The following SGSM1 variants were observed in gnomAD, a reference collection of about 807,000 sequenced individuals.
SGSM1 encodes the protein RUN and TBC1 domain containing 2.
Under a neutral mutation model 133.8 loss-of-function variants are expected in SGSM1, and 73 were observed. The observed-to-expected ratio is 0.55, with a 90% confidence interval of 0.45 to 0.66. SGSM1 has a LOEUF of 0.66. Among genes scored for constraint, SGSM1 ranks in the 30% least tolerant of loss-of-function variants. SGSM1 has a pLI of 0.00. For missense variants in SGSM1, 1,213 were observed against 1,448.1 expected (o/e 0.84, Z 2.64); for synonymous variants, 563 against 573.0 (o/e 0.98, Z 0.25).
rs530914816 is a variant in SGSM1 at position 24,861,728 on chromosome 22, G to A, written c.926+1888G>A. On this transcript the variant is annotated intron_variant, in intron 9 of 24. Coordinates refer to ENST00000400358, the MANE Select transcript of SGSM1 (RefSeq NM_001098497.3). ...ACACCCAGCTAATTTTTGTATTTTC[G>A]TTAGATACGGGGTTTCATCGTGTTG... is the stretch of plus-strand genomic sequence containing the variant. Among the ~76,000 whole-genome samples, 6 of 151,410 alleles carry A rather than the reference G, an allele frequency of 4.0e-5. No homozygotes were observed. The South Asian group carries it at 6.3e-4, about 16-fold the overall frequency.
intron 2 of SGSM1, among the ~76,000 whole-genome samples, chr22:24,818,044 C>A (rs1393464747): frequency 9.9e-6 from 1 of 101,432 alleles, no homozygotes; most frequent in East Asian, 5.4e-4. Context: ...CCAGCCTGGC[C>A]AACATGATGA....
intron 9 of SGSM1, among the ~76,000 whole-genome samples, chr22:24,860,911 AAAAAAAAAAAAAT>A (rs1403575184): frequency 1.3e-3 from 144 of 114,136 alleles, no homozygotes; most frequent in Non-Finnish European, 1.9e-3. Flanking sequence ...AAAAAAAAAA[AAAAAAAAAAAAAT>A]ATATATATAT....
intron 9 of SGSM1, among the ~76,000 whole-genome samples, chr22:24,865,983 A>G (rs1258296700): frequency 6.6e-6 from 1 of 152,200 alleles, no homozygotes; most frequent in East Asian, 1.9e-4. Flanking sequence ...ATGTGGTGAT[A>G]GATCCAGGGA....
At chr22:24,904,749 G>A (rs1301041472) in intron 20 of SGSM1, among the ~76,000 whole-genome samples, 2 of 152,136 alleles carry the variant, frequency 1.3e-5, no homozygotes, top group East Asian at 1.9e-4. Context: ...ATACGTCAAT[G>A]TTGCTGGAGA....
chr22:24,918,036 G>A (rs575280314), intron 23 of SGSM1, among the ~76,000 whole-genome samples: 5 of 152,276 alleles, frequency 3.3e-5, no homozygotes, highest in African/African-American at 1.2e-4. Context: ...GGTGAGTACA[G>A]CCAGGACTTG....
At chr22:24,838,569 A>C (rs1423094482) in intron 2 of SGSM1, among the ~76,000 whole-genome samples, 1 of 152,196 alleles carries the variant, frequency 6.6e-6, no homozygotes, top group Non-Finnish European at 1.5e-5. Context: ...TTTTAAGACC[A>C]CAAGGGTCAA....
At chr22:24,832,258 A>G (rs960020373) in intron 2 of SGSM1, among the ~76,000 whole-genome samples, 1 of 99,806 alleles carries the variant, frequency 1.0e-5, no homozygotes, top group African/African-American at 4.6e-5. Context: ...CCTGATCTTT[A>G]GTGATAGTAA....
intron 24 of SGSM1, among the ~76,000 whole-genome samples, chr22:24,921,163 G>A (rs753325181): frequency 2.0e-5 from 3 of 151,262 alleles, no homozygotes; most frequent in Admixed American, 1.3e-4. Flanking sequence ...GAAGTGGCAC[G>A]ATCTCAGCTC....
At chr22:24,831,473 C>T (rs1377861245) in intron 2 of SGSM1, among the ~76,000 whole-genome samples, 1 of 152,284 alleles carries the variant, frequency 6.6e-6, no homozygotes, top group East Asian at 1.9e-4. Context: ...AAGGCAATGT[C>T]ATGTCCCCCA....
At chr22:24,873,586 C>T (rs1478376665) in intron 12 of SGSM1, among the ~76,000 whole-genome samples, 1 of 152,168 alleles carries the variant, frequency 6.6e-6, no homozygotes, top group Non-Finnish European at 1.5e-5. Context: ...CACAGTGGCT[C>T]ATGCCTATAA....
chr22:24,808,511 C>T (rs12158206), intron 2 of SGSM1, among the ~76,000 whole-genome samples: 4,631 of 152,198 alleles, frequency 0.03, 245 homozygotes, highest in African/African-American at 0.11. Flanking sequence ...TCTTTTTGTT[C>T]GTGGTTTAAC....
intron 21 of SGSM1, among the ~76,000 whole-genome samples, chr22:24,907,416 T>G (rs933900990): frequency 1.3e-5 from 2 of 152,090 alleles, no homozygotes; most frequent in Non-Finnish European, 2.9e-5. Context: ...TGGAAAGATA[T>G]CTCATATTCA....
intron 18 of SGSM1, 133 bp downstream of exon 18, chr22:24,895,424 CA>C (rs1320674072): frequency 4.3e-5 from 41 of 943,562 alleles, no homozygotes; most frequent in Admixed American, 1.2e-4. Flanking sequence ...TAGCATTAAA[CA>C]TTGTTTTTTG....
intron 20 of SGSM1, among the ~76,000 whole-genome samples, chr22:24,904,537 G>A (rs1034610920): frequency 1.4e-5 from 2 of 143,336 alleles, no homozygotes; most frequent in Non-Finnish European, 3.0e-5. Context: ...CAGAGATCAC[G>A]CCACTGCACT....
chr22:24,835,335 C>T (rs1412735765), intron 2 of SGSM1, among the ~76,000 whole-genome samples: 1 of 152,140 alleles, frequency 6.6e-6, no homozygotes, highest in Non-Finnish European at 1.5e-5. Flanking sequence ...CCTCCCCATT[C>T]ATTCAACAGA....
In SGSM1 at chr22:24,866,229, GCT is replaced by G. The variant is rs563148804; in HGVS notation, c.927-861_927-860del. Among the ~76,000 whole-genome samples the G allele has an allele frequency of 2.0e-4, 30 of 152,312 alleles. 1 individual carries two copies. In the South Asian group the frequency reaches 5.6e-3, roughly 28 times the overall value. ...CAGGTACGCACTTCTTAATGTATCA[GCT>G]CTGTGTTGAGCCCTTCAAATACTTG... On this transcript the variant is annotated intron_variant, in intron 9 of 24. Coordinates refer to ENST00000400358, the MANE Select transcript of SGSM1 (RefSeq NM_001098497.3).
chr22:24,898,290 A>C lies in SGSM1; in HGVS notation c.2341A>C (p.Ser781Arg). 2 of 1,613,990 alleles carry C rather than the reference A, an allele frequency of 1.2e-6. No homozygotes were observed. The highest frequency in any genetic ancestry group is 1.7e-6 in the Non-Finnish European group (2 of 1,179,880). The change falls in exon 19 of 25, where the codon AGC becomes CGC. Residue 781 changes from serine (S) to arginine (R), a missense_variant. By Grantham distance (110) the Ser-to-Arg change is moderately radical (BLOSUM62 -1). Coordinates refer to ENST00000400358, the MANE Select transcript of SGSM1 (RefSeq NM_001098497.3). ...APREELAVQDSLESDLLANES... is the reference protein window; with the variant it reads ...APREELAVQDRLESDLLANES... ...CCGGGAGGAGCTGGCCGTGCAGGAC[A>C]GCCTGGAGAGTGACCTCCTGGCCAA...
intron 16 of SGSM1, 124 bp downstream of exon 16, chr22:24,886,852 C>A: frequency 3.9e-6 from 5 of 1,280,906 alleles, no homozygotes; most frequent in Non-Finnish European, 3.1e-6. Context: ...AAGATGGGAA[C>A]CTGAAGGCGG....
At chr22:24,900,903 G>T (rs527497407) in intron 19 of SGSM1, among the ~76,000 whole-genome samples, 29 of 152,220 alleles carry the variant, frequency 1.9e-4, no homozygotes, top group Admixed American at 1.8e-3. Context: ...TAAGACCCAG[G>T]TGGAAGGTAG....
Sources: gnomAD v4.1 joint callset for allele counts (sites outside exome capture counted in the v4.1 genomes callset) on GRCh38, gnomAD v4.1.1 for gene constraint, MANE v1.5 for transcripts, NCBI Gene and HGNC (gene_info 2026-07-23, HGNC 2026-07-21) for gene names.